NUMA1: variants seen among roughly 807,000 people sequenced by gnomAD.
The protein encoded by NUMA1 is nuclear mitotic apparatus protein 1, also known as SP-H antigen.
NUMA1 carries 62 observed loss-of-function variants against 237.1 expected under a neutral mutation model. That is an observed-to-expected ratio of 0.26 (90% CI 0.21 to 0.32). The LOEUF is 0.32. Among genes scored for constraint, NUMA1 ranks in the 10% least tolerant of loss-of-function variants. The probability of loss-of-function intolerance (pLI) is 1.00; values close to 1 mark genes in which losing one functional copy is unlikely to be tolerated. For synonymous variants in NUMA1, 1,028 were observed against 1,066.1 expected (o/e 0.96, Z 0.70); for missense variants, 2,533 against 2,666.5 (o/e 0.95, Z 1.10).
At chr11:72,028,180 A>G (rs1565241108) in intron 4 of NUMA1, among the ~76,000 whole-genome samples, 1 of 152,224 alleles carries the variant, frequency 6.6e-6, no homozygotes, top group Non-Finnish European at 1.5e-5. Flanking sequence ...TTCACTCAAC[A>G]AACATTCACT....
rs1173264009 is a variant in NUMA1, at chr11:72,018,308, G to A, written c.861-8C>T. On this transcript the variant is annotated splice_region_variant and splice_polypyrimidine_tract_variant and intron_variant, in intron 11 of 26. Transcript: ENST00000393695. Reference sequence around the variant, plus strand: ...TGCAGCCGCATGGTAAGGCTGCGAGGGAGGGAAGCAGTGAGAAGAGAGTAT... The same window carrying A: ...TGCAGCCGCATGGTAAGGCTGCGAGAGAGGGAAGCAGTGAGAAGAGAGTAT... 2 of 1,612,382 alleles carry A rather than the reference G, an allele frequency of 1.2e-6. No individual in the cohort carries two copies. Among genetic ancestry groups the A allele is most frequent in the Non-Finnish European group, 1.7e-6 (2 of 1,178,462 alleles).
chr11:72,018,130 C>G, intron 12 of NUMA1, 53 bp downstream of exon 12: 13 of 1,331,268 alleles, frequency 9.8e-6, no homozygotes, highest in African/African-American at 1.4e-5. Context: ...GGGAGCCTTC[C>G]AGACCACCTC....
Position 72,016,066 on chromosome 11 carries a change from G to A in NUMA1, c.1437C>T (p.Ser479=), listed in dbSNP as rs1414504334. The change falls in exon 15 of 27, where the codon AGC becomes AGT. Residue 479 remains serine (S), a synonymous_variant. Transcript: ENST00000393695. ...CCTGCTCCAGCTCTTCCTTGGCCTGGCTGAGGTTGGAGATGGAGCTCTGCA... is the reference window on the plus strand; with the variant it reads ...CCTGCTCCAGCTCTTCCTTGGCCTGACTGAGGTTGGAGATGGAGCTCTGCA... ...TDLQSSISNL[S]QAKEELEQAS... 1.5e-5 allele frequency: 24 copies of A among 1,614,130 alleles called. No individual in the cohort carries two copies. Among genetic ancestry groups the A allele is most frequent in the Non-Finnish European group, 2.0e-5 (24 of 1,180,030 alleles).
chr11:72,040,198 C>T (rs1055028758), intron 2 of NUMA1, among the ~76,000 whole-genome samples: 1 of 152,142 alleles, frequency 6.6e-6, no homozygotes, highest in African/African-American at 2.4e-5. Flanking sequence ...GCCTCCTCTT[C>T]ACACAGACCA....
intron 1 of NUMA1, chr11:72,072,387 A>G (rs1255361760): frequency 6.5e-6 from 1 of 154,596 alleles, no homozygotes; most frequent in East Asian, 1.9e-4. Context: ...CATGCCTGAA[A>G]TATATGCAGT....
chr11:72,003,443 A>G lies in NUMA1; in HGVS notation c.*84T>C, dbSNP rs1247861428. On this transcript the variant is annotated 3_prime_UTR_variant, in exon 27 of 27. Transcript: ENST00000393695. ...TACTGTTGGCCTGGGAGCTGAGAGA[A>G]GGCACTGAGAGGGACAGTAGGCGGA... 2 of 1,338,416 alleles carry G rather than the reference A, an allele frequency of 1.5e-6. No individual in the cohort carries two copies. The highest frequency in any genetic ancestry group is 1.4e-5 in the African/African-American group (1 of 69,976). The allele number at this position is 1,338,416 out of a possible 1,614,324, so 82.9% of individuals were successfully genotyped here.
At position 72,009,137 on chromosome 11, in the gene NUMA1, C is replaced by T; in HGVS notation, c.4888G>A (p.Glu1630Lys). 2.0e-6 allele frequency: 3 copies of T among 1,467,142 alleles called. No individual in the cohort carries two copies. Among genetic ancestry groups the T allele is most frequent in the Non-Finnish European group, 2.7e-6 (3 of 1,096,722 alleles). The allele number at this position is 1,467,142 out of a possible 1,614,324, so 90.9% of individuals were successfully genotyped here. Reference protein sequence around the residue: ...HYDAKKQQNQELQEQLRSLEQ... With the variant: ...HYDAKKQQNQKLQEQLRSLEQ... ...AGGCTCCGCAGCTGCTCCTGCAGCT[C>T]TTGGTTCTGCTGCTTCTTGGCATCA... is the stretch of plus-strand genomic sequence containing the variant. Residue 1630 changes from glutamate to lysine, a missense_variant, in exon 19 of 27, where the codon GAG becomes AAG. By Grantham distance (56) the Glu-to-Lys change is moderately conservative (BLOSUM62 1). This residue lies in a region of NUMA1 where 795 missense variants were observed against 750.8 expected (regional missense o/e 1.06). Coordinates refer to ENST00000393695, the MANE Select transcript of NUMA1 (RefSeq NM_006185.4).
intron 2 of NUMA1, among the ~76,000 whole-genome samples, chr11:72,055,200 G>C (rs1942570730): frequency 1.3e-5 from 2 of 152,052 alleles, no homozygotes; most frequent in South Asian, 4.2e-4. Flanking sequence ...TATTATTTGT[G>C]TATGGCTCTT....
chr11:72,051,663 G>A (rs1942370184), intron 2 of NUMA1, among the ~76,000 whole-genome samples: 1 of 152,008 alleles, frequency 6.6e-6, no homozygotes. Context: ...TAGAGATGGA[G>A]TTTTGCCATT....
chr11:72,037,069 T>C (rs1253192186), intron 2 of NUMA1, among the ~76,000 whole-genome samples: 2 of 152,222 alleles, frequency 1.3e-5, no homozygotes, highest in African/African-American at 2.4e-5. Context: ...AAAGACACCA[T>C]TCTTGCCCAG....
chr11:72,004,606 T>G (rs772851947), intron 24 of NUMA1, 34 bp downstream of exon 24: 5 of 1,603,090 alleles, frequency 3.1e-6, no homozygotes, highest in Non-Finnish European at 4.3e-6. Context: ...CTGAGCACAG[T>G]GCTGGAGTAA....
intron 2 of NUMA1, among the ~76,000 whole-genome samples, chr11:72,064,612 C>A (rs1319340952): frequency 6.6e-6 from 1 of 151,384 alleles, no homozygotes; most frequent in African/African-American, 2.4e-5. Context: ...GCAGGTGAAT[C>A]GCTTGGGCTC....
chr11:72,031,577 T>G (rs552713181), intron 3 of NUMA1, among the ~76,000 whole-genome samples: 1 of 152,152 alleles, frequency 6.6e-6, no homozygotes, highest in Non-Finnish European at 1.5e-5. Flanking sequence ...GAAGGACTGC[T>G]TGAGGCCAGG....
rs949593844 is a variant in NUMA1 at position 72,003,432 on chromosome 11, G to T, written c.*95C>A. 8.1e-7 allele frequency: 1 copy of T among 1,240,832 alleles called. No individual in the cohort carries two copies. Among genetic ancestry groups the T allele is most frequent in the Non-Finnish European group, 1.2e-6 (1 of 839,254 alleles). 76.9% of individuals were successfully genotyped at this position (1,240,832 alleles called of 1,614,324 possible). The stretch of plus-strand genomic sequence containing the variant: ...AGGGGTTTGGCTACTGTTGGCCTGG[G>T]AGCTGAGAGAAGGCACTGAGAGGGA... On this transcript the variant is annotated 3_prime_UTR_variant, in exon 27 of 27. Transcript: ENST00000393695.
Position 72,012,996 on chromosome 11 carries a change from G to C in NUMA1, c.4507C>G (p.Arg1503Gly), listed in dbSNP as rs758237053. 3.1e-6 allele frequency: 5 copies of C among 1,613,928 alleles called. No homozygotes were observed. The highest frequency in any genetic ancestry group is 4.2e-6 in the Non-Finnish European group (5 of 1,180,034). ...TTGGCAGTCATCACCTCCAGCTCCC[G>C]GGCAGTGCTCTGTGCTTCTCGCTGC... ...EVQREAQSTA[R>G]ELEVMTAKYE... The change falls in exon 15 of 27, where the codon CGG (arginine) becomes GGG (glycine). Residue 1503 changes from arginine to glycine, a missense_variant. By Grantham distance (125) the Arg-to-Gly change is moderately radical (BLOSUM62 -2). This residue lies in a region of NUMA1 where 324 missense variants were observed against 407.6 expected (regional missense o/e 0.79). Transcript: ENST00000393695.
chr11:72,012,035 G>A (rs1288853417), intron 16 of NUMA1, among the ~76,000 whole-genome samples: 1 of 152,226 alleles, frequency 6.6e-6, no homozygotes, highest in Non-Finnish European at 1.5e-5. Context: ...TAATTCTGCT[G>A]TTCCTCTTAG....
At chr11:72,028,563 C>T (rs1488226812) in intron 4 of NUMA1, among the ~76,000 whole-genome samples, 1 of 150,382 alleles carries the variant, frequency 6.6e-6, no homozygotes, top group Non-Finnish European at 1.5e-5. Context: ...ATAACTGTGA[C>T]GTTCAAAGGA....
At chr11:72,067,896 G>C (rs1039801938) in intron 2 of NUMA1, 1 of 152,198 alleles carries the variant, frequency 6.6e-6, no homozygotes. Context: ...TCCAGGAACA[G>C]GTTACAGGGC....
chr11:72,014,442 C>T lies in NUMA1; in HGVS notation c.3061G>A (p.Ala1021Thr). ...TCTGCTCTGGCCGCCTTCTCCAGGG[C>T]AAGGTCAGCCTGGGCACGGCCCCGC... ...QERGRAQADL[A>T]LEKAARAELE... The change falls in exon 15 of 27, where the codon GCC becomes ACC. Residue 1021 changes from alanine to threonine, a missense_variant. Physicochemically the swap from Ala to Thr is moderately conservative, Grantham distance 58. Transcript: ENST00000393695. This position sits in a 1 kb window ranked among gnomAD's most constrained non-coding sequence, Gnocchi z 4.6. The T allele has an allele frequency of 6.2e-7, 1 of 1,606,180 alleles. No homozygotes were observed. The highest frequency in any genetic ancestry group is 8.5e-7 in the Non-Finnish European group (1 of 1,180,008).
Sources: gnomAD v4.1 joint callset for allele counts (sites outside exome capture counted in the v4.1 genomes callset) on GRCh38, gnomAD v4.1.1 for gene constraint, gnomAD v4.1.1 regional missense constraint, Gnocchi (gnomAD v3.1) non-coding constraint, MANE v1.5 for transcripts, NCBI Gene and HGNC (gene_info 2026-07-23, HGNC 2026-07-21) for gene names.